The following NBEA variants were observed in gnomAD, a reference collection of about 807,000 sequenced individuals.
NBEA encodes the protein neurobeachin.
Under a neutral mutation model 343.4 loss-of-function variants are expected in NBEA, and 44 were observed. The observed-to-expected ratio is 0.13, with a 90% CI of 0.10 to 0.16. The LOEUF is 0.16. NBEA is among the 10% of genes least tolerant of loss of function. The pLI is 1.00. For missense variants in NBEA, 2,555 were observed against 3,631.3 expected, an observed-to-expected ratio of 0.70 and a Z score of 7.62; for synonymous variants, 1,175 against 1,238.7, an observed-to-expected ratio of 0.95 and a Z score of 1.08.
intron 6 of NBEA, among the ~76,000 whole-genome samples, chr13:35,050,667 C>T (rs74051226): frequency 0.037 from 5,575 of 152,012 alleles, 158 homozygotes; most frequent in African/African-American, 0.076. Context: ...TACTTATTAT[C>T]TACTGAGTAT....
At chr13:35,120,173 T>C (rs1449342385) in intron 16 of NBEA, among the ~76,000 whole-genome samples, 2 of 152,284 alleles carry the variant, frequency 1.3e-5, no homozygotes, top group East Asian at 3.9e-4. Flanking sequence ...AGAAATATAA[T>C]TGTATTATTT....
At position 35,157,188 on chromosome 13, in the gene NBEA, G is replaced by A. The variant is rs761892854; in HGVS notation, c.2762G>A (p.Arg921Gln). The change falls in exon 21 of 59, where the codon CGG (arginine) becomes CAG (glutamine). Residue 921 changes from arginine to glutamine, a missense_variant. This residue lies in a region of NBEA where 360 missense variants were observed against 519.1 expected (regional missense o/e 0.69). Transcript: ENST00000379939. ...ACCGAAATGGTCTACAATATCTTCC[G>A]GATTCTTTTGTATCATGCAATAAAA... ...KITEMVYNIFRILLYHAIKYE... is the reference protein window; with the variant it reads ...KITEMVYNIFQILLYHAIKYE... The A allele has an allele frequency of 1.9e-6, 3 of 1,610,210 alleles. No homozygotes were observed. Among genetic ancestry groups the A allele is most frequent in the African/African-American group, 1.3e-5 (1 of 74,786 alleles).
intron 36 of NBEA, among the ~76,000 whole-genome samples, chr13:35,321,990 T>C (rs531692895): frequency 1.3e-5 from 2 of 152,188 alleles, no homozygotes; most frequent in African/African-American, 4.8e-5. Flanking sequence ...ACTGCTGTGC[T>C]GGCAGCGAGA....
chr13:35,587,794 A>G (rs2081354035), intron 46 of NBEA, among the ~76,000 whole-genome samples: 1 of 152,156 alleles, frequency 6.6e-6, no homozygotes, highest in Admixed American at 6.6e-5. Flanking sequence ...TAGATTTATT[A>G]TTCCAGCGAA....
chr13:35,215,809 C>T (rs1464367476), intron 33 of NBEA, among the ~76,000 whole-genome samples: 1 of 151,368 alleles, frequency 6.6e-6, no homozygotes, highest in African/African-American at 2.4e-5. Flanking sequence ...ACAGCCATTT[C>T]TGCCTGGAAT....
At chr13:35,511,390 A>G (rs975459605) in intron 41 of NBEA, among the ~76,000 whole-genome samples, 1 of 152,222 alleles carries the variant, frequency 6.6e-6, no homozygotes, top group African/African-American at 2.4e-5. Flanking sequence ...CATATATAAC[A>G]TACAACTCAG....
chr13:35,067,229 C>T (rs918804296), intron 8 of NBEA, among the ~76,000 whole-genome samples: 8 of 152,026 alleles, frequency 5.3e-5, no homozygotes, highest in African/African-American at 1.9e-4. Context: ...TCTGATTTAT[C>T]ATTTATGAAT....
intron 1 of NBEA, among the ~76,000 whole-genome samples, chr13:35,018,479 T>A (rs967629442): frequency 6.6e-6 from 1 of 152,202 alleles, no homozygotes; most frequent in East Asian, 1.9e-4. Flanking sequence ...CTTACTACTT[T>A]GTATCTCATC....
intron 28 of NBEA, among the ~76,000 whole-genome samples, chr13:35,181,764 G>C (rs535970058): frequency 9.9e-4 from 151 of 151,838 alleles, no homozygotes; most frequent in Non-Finnish European, 1.8e-3. Context: ...TTTGTCAAAT[G>C]TTACCTGTTT....
At chr13:35,296,742 C>CTA (rs148816146) in intron 35 of NBEA, among the ~76,000 whole-genome samples, 2,901 of 150,894 alleles carry the variant, frequency 0.019, 39 homozygotes, top group Middle Eastern at 0.045. Context: ...ATAGTGAAAA[C>CTA]TATATATATA....
chr13:35,173,678 TTGCTCAGTGA>T, intron 27 of NBEA, 84 bp downstream of exon 27: 1 of 1,364,232 alleles, frequency 7.3e-7, no homozygotes, highest in Non-Finnish European at 1.0e-6. Flanking sequence ...TGCCATGGTA[TTGCTCAGTGA>T]TAGAGAGCAA....
intron 35 of NBEA, among the ~76,000 whole-genome samples, chr13:35,300,948 T>A (rs527429065): frequency 1.3e-5 from 2 of 152,148 alleles, no homozygotes; most frequent in South Asian, 4.1e-4. Context: ...CTCAACTAAA[T>A]ATGGTAAAAA....
chr13:35,224,197 A>G (rs2074530698), intron 33 of NBEA, among the ~76,000 whole-genome samples: 1 of 152,048 alleles, frequency 6.6e-6, no homozygotes, highest in Non-Finnish European at 1.5e-5. Flanking sequence ...GACTGAACCT[A>G]CCTACGTAAT....
At chr13:34,983,423 T>C (rs1235506659) in intron 1 of NBEA, among the ~76,000 whole-genome samples, 3 of 152,198 alleles carry the variant, frequency 2.0e-5, no homozygotes, top group East Asian at 3.8e-4. Flanking sequence ...CAGTCTATCA[T>C]TGATGGACAT....
intron 34 of NBEA, among the ~76,000 whole-genome samples, chr13:35,247,211 C>T: frequency 6.6e-6 from 1 of 152,214 alleles, no homozygotes; most frequent in East Asian, 1.9e-4. Flanking sequence ...GGCTACCGGC[C>T]TCCTGGCCCA....
In NBEA at chr13:34,942,305, T is replaced by C. The variant is rs2059050897; in HGVS notation, c.-516T>C. On this transcript the variant is annotated 5_prime_UTR_variant, in exon 1 of 59. The change abolishes an upstream ATG in the 5' untranslated region. Coordinates refer to ENST00000379939, the MANE Select transcript of NBEA (RefSeq NM_001385012.1). ...CTACCGCAGGCAGGGGGCGGCAACA[T>C]GGCGGAGTGAGCGGCGGCGTCGGGG... The C allele has an allele frequency of 1.3e-5, 2 of 153,732 alleles. No homozygotes were observed. The highest frequency in any genetic ancestry group is 2.9e-5 in the Non-Finnish European group (2 of 69,102). The allele number at this position is 153,732 out of a possible 1,614,324, so 9.5% of individuals were successfully genotyped here.
chr13:35,097,187 T>G (rs2065380000), intron 10 of NBEA, among the ~76,000 whole-genome samples: 2 of 152,006 alleles, frequency 1.3e-5, no homozygotes, highest in Admixed American at 6.6e-5. Flanking sequence ...AAATGTATTA[T>G]CCCTATTGAA....
chr13:35,245,695 C>G (rs1334091475), intron 34 of NBEA, among the ~76,000 whole-genome samples: 4 of 152,148 alleles, frequency 2.6e-5, no homozygotes, highest in Admixed American at 6.5e-5. Context: ...TTACCTGATG[C>G]TTTTGCCCAA....
intron 7 of NBEA, among the ~76,000 whole-genome samples, chr13:35,056,684 C>T (rs1470000664): frequency 3.9e-5 from 6 of 151,956 alleles, no homozygotes. Flanking sequence ...AAGGAAAAGG[C>T]AATTTGTCTG....
Sources: gnomAD v4.1 joint callset for allele counts (sites outside exome capture counted in the v4.1 genomes callset) on GRCh38, gnomAD v4.1.1 for gene constraint, gnomAD v4.1.1 regional missense constraint, MANE v1.5 for transcripts, NCBI Gene and HGNC (gene_info 2026-07-23, HGNC 2026-07-21) for gene names.